The following CMTM8 variants were observed in gnomAD, a reference collection of about 807,000 sequenced individuals.
CMTM8 encodes the protein CKLF-like MARVEL transmembrane domain-containing protein 8.
A neutral mutation model predicts 18.6 loss-of-function variants in CMTM8; 12 were observed. The observed-to-expected ratio is 0.65, with a 90% CI of 0.41 to 1.05. The LOEUF is 1.05. Among genes scored for constraint, CMTM8 ranks in the 50% least tolerant of loss-of-function variants. CMTM8 has a pLI of 0.00. For synonymous variants in CMTM8, 87 were observed against 90.6 expected (o/e 0.96, Z 0.23); for missense variants, 217 against 227.2 (o/e 0.95, Z 0.29).
At chr3:32,277,836 G>A (rs1702542494) in intron 1 of CMTM8, among the ~76,000 whole-genome samples, 1 of 152,192 alleles carries the variant, frequency 6.6e-6, no homozygotes. Flanking sequence ...TGAGCCCATA[G>A]TTCCTCATGG....
chr3:32,287,042 A>C (rs1431369013), intron 1 of CMTM8, among the ~76,000 whole-genome samples: 3 of 152,226 alleles, frequency 2.0e-5, no homozygotes, highest in Admixed American at 2.0e-4. Flanking sequence ...GGTGAGGTGC[A>C]GTGGCAGCCT....
intron 1 of CMTM8, among the ~76,000 whole-genome samples, chr3:32,329,565 A>G (rs1359580157): frequency 6.6e-6 from 1 of 152,222 alleles, no homozygotes. Context: ...GGCAAAATTC[A>G]ACACCGTTTC....
chr3:32,321,412 G>C (rs1696048979), intron 1 of CMTM8, among the ~76,000 whole-genome samples: 4 of 152,126 alleles, frequency 2.6e-5, no homozygotes, highest in Admixed American at 2.6e-4. Context: ...GAGGAGGAGG[G>C]AGGGCAGGCC....
intron 1 of CMTM8, among the ~76,000 whole-genome samples, chr3:32,302,800 C>T (rs1402432434): frequency 1.3e-5 from 2 of 152,200 alleles, no homozygotes; most frequent in Non-Finnish European, 2.9e-5. Flanking sequence ...TATGAAGTAC[C>T]TGTGCGCATA....
At chr3:32,317,870 A>G (rs1297224815) in intron 1 of CMTM8, among the ~76,000 whole-genome samples, 1 of 152,102 alleles carries the variant, frequency 6.6e-6, no homozygotes, top group Non-Finnish European at 1.5e-5. Context: ...CCTGGCCAAC[A>G]TGGTGAAACC....
At chr3:32,273,846 T>C (rs2125545189) in intron 1 of CMTM8, among the ~76,000 whole-genome samples, 1 of 152,306 alleles carries the variant, frequency 6.6e-6, no homozygotes, top group Non-Finnish European at 1.5e-5. Context: ...ATGTATGCAT[T>C]ATATCTTGAA....
At chr3:32,297,886 G>C (rs1422737579) in intron 1 of CMTM8, among the ~76,000 whole-genome samples, 1 of 151,772 alleles carries the variant, frequency 6.6e-6, no homozygotes, top group African/African-American at 2.4e-5. Flanking sequence ...AGGACTTGAA[G>C]TGTTTATGAG....
At chr3:32,305,253 C>T (rs1341701801) in intron 1 of CMTM8, among the ~76,000 whole-genome samples, 13 of 122,476 alleles carry the variant, frequency 1.1e-4, no homozygotes, top group African/African-American at 3.7e-4. Context: ...TTTTTTCAGA[C>T]GGAGTCTCGC....
At position 32,367,964 on chromosome 3, in the gene CMTM8, C is replaced by G. The variant is rs565748156; in HGVS notation, c.414C>G (p.Asn138Lys). 6.2e-7 allele frequency: 1 copy of G among 1,613,824 alleles called. No individual in the cohort carries two copies. Among genetic ancestry groups the G allele is most frequent in the South Asian group, 1.1e-5 (1 of 91,080 alleles). The change falls in exon 3 of 4, where the codon AAC (asparagine) becomes AAG (lysine). Residue 138 changes from asparagine (N) to lysine (K), a missense_variant. Coordinates refer to ENST00000307526, the MANE Select transcript of CMTM8 (RefSeq NM_178868.5). ...SSVSPERDSH[N>K]FNSWAASSFF... is the part of the protein sequence containing the mutation. ...TCTCCCCTGAGAGGGACAGTCACAA[C>G]TTCAACAGCTGGGCGGCCTCATCGG... is the stretch of plus-strand genomic sequence containing the variant.
intron 1 of CMTM8, among the ~76,000 whole-genome samples, chr3:32,328,370 CAAAAA>C (rs796201249): frequency 0.14 from 10,321 of 74,518 alleles, 643 homozygotes; most frequent in African/African-American, 0.28. Flanking sequence ...ACCCTGTCTC[CAAAAA>C]AAAAAAAAAA....
At chr3:32,282,059 C>T (rs1205311799) in intron 1 of CMTM8, among the ~76,000 whole-genome samples, 3 of 152,162 alleles carry the variant, frequency 2.0e-5, no homozygotes, top group African/African-American at 7.2e-5. Flanking sequence ...TTTCTAGCCC[C>T]AGCCTAGACT....
intron 1 of CMTM8, chr3:32,260,023 G>A (rs1248147342): frequency 1.7e-5 from 19 of 1,129,644 alleles, no homozygotes; most frequent in Non-Finnish European, 2.2e-5. Flanking sequence ...AGGCCCAGGA[G>A]TACAAGGCCC....
At chr3:32,336,836 A>C (rs1390315994) in intron 1 of CMTM8, among the ~76,000 whole-genome samples, 1 of 152,156 alleles carries the variant, frequency 6.6e-6, no homozygotes, top group Non-Finnish European at 1.5e-5. Flanking sequence ...CCAAAACAGA[A>C]GGAAATTGTC....
In CMTM8 at chr3:32,260,006, C is replaced by T. The variant is rs577270756; in HGVS notation, c.147+20887C>T. Reference sequence around the variant, plus strand: ...GCTGGCACTGACCCAGGCAGAGGGACAGCACCAGGCCCAGGAGTACAAGGC... The same window carrying T: ...GCTGGCACTGACCCAGGCAGAGGGATAGCACCAGGCCCAGGAGTACAAGGC... On this transcript the variant is annotated intron_variant, in intron 1 of 3. Transcript: ENST00000307526. 8.0e-6 allele frequency: 9 copies of T among 1,124,496 alleles called. No homozygotes were observed. The Admixed American group carries it at 1.1e-4, about 14-fold the overall frequency. 69.7% of individuals were successfully genotyped at this position (1,124,496 alleles called of 1,614,324 possible). A position where few individuals can be genotyped will look rare whatever the true frequency, so the allele number is the denominator to read the frequency against.
At chr3:32,271,211 C>G (rs1702434725) in intron 1 of CMTM8, among the ~76,000 whole-genome samples, 1 of 152,198 alleles carries the variant, frequency 6.6e-6, no homozygotes, top group African/African-American at 2.4e-5. Flanking sequence ...ACCACAACCT[C>G]TGCCTCCTGG....
intron 1 of CMTM8, among the ~76,000 whole-genome samples, chr3:32,287,085 C>G (rs1317411726): frequency 6.6e-6 from 1 of 152,236 alleles, no homozygotes; most frequent in Non-Finnish European, 1.5e-5. Flanking sequence ...TTGGGGTTAG[C>G]TAATAGCTGT....
intron 3 of CMTM8, 47 bp from the exon 4 acceptor site, chr3:32,369,837 T>G: frequency 8.0e-7 from 1 of 1,251,016 alleles, no homozygotes; most frequent in Non-Finnish European, 1.2e-6. Flanking sequence ...TTTTGCTAAT[T>G]AGGATGTGCC....
chr3:32,323,091 G>C (rs943449214), intron 1 of CMTM8, among the ~76,000 whole-genome samples: 3 of 152,206 alleles, frequency 2.0e-5, no homozygotes, highest in African/African-American at 7.2e-5. Flanking sequence ...CTGCAGCCAA[G>C]GGGAGATGAT....
intron 1 of CMTM8, among the ~76,000 whole-genome samples, chr3:32,274,181 A>G (rs4132829): frequency 0.49 from 73,930 of 151,628 alleles, 18,441 homozygotes; most frequent in South Asian, 0.59. Flanking sequence ...ATGGTGGTGC[A>G]TGCCTGCGGT....
Sources: allele counts gnomAD v4.1 joint callset (sites outside exome capture counted in the v4.1 genomes callset), GRCh38; gene constraint gnomAD v4.1.1; transcripts MANE v1.5; gene names NCBI Gene and HGNC (gene_info 2026-07-23, HGNC 2026-07-21).